Variants in SENP1 observed in about 807,000 individuals in gnomAD.
SENP1 encodes SUMO specific peptidase 1, also known as sentrin-specific protease 1.
Under a neutral mutation model 93.0 loss-of-function variants are expected in SENP1, and 21 were observed. The ratio of observed to expected loss-of-function variants is 0.23; its 90% confidence interval spans 0.16 to 0.33. The LOEUF (loss-of-function observed/expected upper bound fraction) is 0.33, where lower values mean the gene tolerates loss of function less well. Ranked by LOEUF, SENP1 falls within the 10% of genes least tolerant of loss-of-function variation. The pLI is 1.00. For synonymous variants in SENP1, 256 were observed against 259.6 expected (o/e 0.99, Z 0.13); for missense variants, 591 against 758.7 (o/e 0.78, Z 2.60).
chr12:48,092,657 C>G (rs1398437085), intron 4 of SENP1, among the ~76,000 whole-genome samples: 1 of 151,940 alleles, frequency 6.6e-6, no homozygotes, highest in Non-Finnish European at 1.5e-5. Flanking sequence ...TAATCATCAC[C>G]ATATATATAG....
intron 9 of SENP1, among the ~76,000 whole-genome samples, chr12:48,070,253 A>G (rs1419135265): frequency 6.6e-6 from 1 of 152,184 alleles, no homozygotes; most frequent in Non-Finnish European, 1.5e-5. Context: ...ATAAAAACAC[A>G]TGAAAGAGTC....
At chr12:48,066,833 C>A in intron 10 of SENP1, 94 bp downstream of exon 10, 1 of 1,080,750 alleles carries the variant, frequency 9.3e-7, no homozygotes, top group African/African-American at 1.6e-5. Context: ...TTCTTATTGG[C>A]AAAAAATAAG....
intron 6 of SENP1, among the ~76,000 whole-genome samples, chr12:48,081,733 G>A (rs934900512): frequency 6.6e-6 from 1 of 151,782 alleles, no homozygotes; most frequent in Non-Finnish European, 1.5e-5. Context: ...ACCACACCCA[G>A]CTAATTTTTT....
intron 13 of SENP1, among the ~76,000 whole-genome samples, chr12:48,061,896 A>T (rs920746313): frequency 2.0e-5 from 3 of 152,180 alleles, no homozygotes; most frequent in African/African-American, 7.2e-5. Flanking sequence ...CAAGGATAAC[A>T]TCATTCTGAA....
chr12:48,092,215 C>A (rs1267844057), intron 4 of SENP1, among the ~76,000 whole-genome samples: 1 of 151,878 alleles, frequency 6.6e-6, no homozygotes. Context: ...AAGACAAATA[C>A]CAATAAAGTC....
intron 13 of SENP1, among the ~76,000 whole-genome samples, chr12:48,050,243 C>T (rs1048804945): frequency 6.6e-6 from 1 of 152,102 alleles, no homozygotes; most frequent in African/African-American, 2.4e-5. Flanking sequence ...GGGAAAATGC[C>T]CCTGTTCTTT....
intron 4 of SENP1, among the ~76,000 whole-genome samples, chr12:48,094,054 A>G (rs770662365): frequency 2.0e-5 from 3 of 152,212 alleles, no homozygotes; most frequent in Non-Finnish European, 4.4e-5. Context: ...GATAATCGGA[A>G]GAGATCACAG....
chr12:48,070,883 G>A (rs1943643986), intron 9 of SENP1, among the ~76,000 whole-genome samples: 1 of 152,196 alleles, frequency 6.6e-6, no homozygotes, highest in East Asian at 1.9e-4. Context: ...CTTGAGGCTA[G>A]GAGTACAAAA....
chr12:48,100,533 G>C (rs1945853398), intron 2 of SENP1, among the ~76,000 whole-genome samples: 1 of 152,168 alleles, frequency 6.6e-6, no homozygotes, highest in African/African-American at 2.4e-5. Context: ...TACCTGGGAG[G>C]CTGAGACAGG....
intron 6 of SENP1, among the ~76,000 whole-genome samples, chr12:48,082,034 C>G (rs529031490): frequency 6.6e-6 from 1 of 152,032 alleles, no homozygotes; most frequent in Non-Finnish European, 1.5e-5. Flanking sequence ...GACTTACAGG[C>G]GCCCGCCACC....
At chr12:48,102,463 A>T (rs1946015154) in intron 1 of SENP1, among the ~76,000 whole-genome samples, 2 of 150,586 alleles carry the variant, frequency 1.3e-5, no homozygotes, top group African/African-American at 4.9e-5. Context: ...AACCAAACAC[A>T]AAAACACAAC....
intron 13 of SENP1, chr12:48,055,271 G>A (rs568816520): frequency 1.7e-4 from 27 of 162,662 alleles, no homozygotes; most frequent in Non-Finnish European, 2.7e-4. Flanking sequence ...TTATCTTTAC[G>A]GATACCTGCC....
intron 4 of SENP1, among the ~76,000 whole-genome samples, chr12:48,094,334 C>T (rs1435636366): frequency 6.6e-6 from 1 of 151,994 alleles, no homozygotes; most frequent in East Asian, 1.9e-4. Flanking sequence ...GAGCCATGAA[C>T]ATGTCACCAC....
intron 9 of SENP1, among the ~76,000 whole-genome samples, chr12:48,068,205 T>C (rs1943432465): frequency 6.6e-6 from 1 of 152,046 alleles, no homozygotes; most frequent in Non-Finnish European, 1.5e-5. Context: ...ACAAGTAATG[T>C]AGGGACAAGC....
At chr12:48,100,040 G>A (rs1332424689) in intron 2 of SENP1, among the ~76,000 whole-genome samples, 1 of 152,156 alleles carries the variant, frequency 6.6e-6, no homozygotes, top group African/African-American at 2.4e-5. Flanking sequence ...AATGAACAGG[G>A]AAGGAGAAGG....
intron 5 of SENP1, chr12:48,088,548 G>A: frequency 2.3e-6 from 1 of 441,200 alleles, no homozygotes; most frequent in East Asian, 4.4e-5. Flanking sequence ...GATCTTGAAG[G>A]CTCCCAATAT....
intron 13 of SENP1, among the ~76,000 whole-genome samples, chr12:48,053,480 G>GAAAA (rs56951392): frequency 1.5e-4 from 12 of 79,682 alleles, no homozygotes; most frequent in Admixed American, 1.5e-4. Flanking sequence ...CCTGTCTCAG[G>GAAAA]AAAAAAAAAA....
chr12:48,104,919 T>C (rs1037986727), intron 1 of SENP1, among the ~76,000 whole-genome samples: 2 of 151,920 alleles, frequency 1.3e-5, no homozygotes, highest in African/African-American at 2.4e-5. Flanking sequence ...AGAGGAAAAA[T>C]AAAGGGTGGT....
intron 14 of SENP1, among the ~76,000 whole-genome samples, chr12:48,048,295 C>T (rs1941527960): frequency 6.6e-6 from 1 of 152,126 alleles, no homozygotes; most frequent in Non-Finnish European, 1.5e-5. Flanking sequence ...AACAGGTGGC[C>T]CCATTATTGC....
Sources: allele counts gnomAD v4.1 joint callset (sites outside exome capture counted in the v4.1 genomes callset), GRCh38; gene constraint gnomAD v4.1.1; transcripts MANE v1.5; gene names NCBI Gene and HGNC (gene_info 2026-07-23, HGNC 2026-07-21).